The following KCNIP1 variants were observed in gnomAD, a reference collection of about 807,000 sequenced individuals.
KCNIP1 encodes potassium voltage-gated channel interacting protein 1, also known as A-type potassium channel modulatory protein KCNIP1.
Under a neutral mutation model 33.0 loss-of-function variants are expected in KCNIP1, and 18 were observed. That is an observed-to-expected ratio of 0.55 (90% CI 0.38 to 0.81). The LOEUF (loss-of-function observed/expected upper bound fraction) is 0.81, where lower values mean the gene tolerates loss of function less well. Ranked by LOEUF, KCNIP1 falls within the 30% of genes least tolerant of loss-of-function variation. The pLI is 0.00. For missense variants in KCNIP1, 238 were observed against 271.6 expected (o/e 0.88, Z 0.87); for synonymous variants, 93 against 98.3 (o/e 0.95, Z 0.32).
chr5:170,524,739 G>A (rs1452351324), intron 1 of KCNIP1, among the ~76,000 whole-genome samples: 1 of 152,082 alleles, frequency 6.6e-6, no homozygotes. Context: ...TTTTACAGAG[G>A]GAGAAACAGG....
intron 1 of KCNIP1, among the ~76,000 whole-genome samples, chr5:170,589,772 G>GGT (rs879536597): frequency 2.1e-5 from 3 of 145,844 alleles, no homozygotes; most frequent in Non-Finnish European, 3.0e-5. Context: ...GGTGTGGTGT[G>GGT]GTGTGGTGTG....
intron 1 of KCNIP1, among the ~76,000 whole-genome samples, chr5:170,471,806 T>C (rs1294750943): frequency 6.6e-6 from 1 of 152,172 alleles, no homozygotes; most frequent in East Asian, 1.9e-4. Context: ...TTATCACCTT[T>C]TGATGAGTTC....
intron 1 of KCNIP1, among the ~76,000 whole-genome samples, chr5:170,462,529 T>TTG (rs1756527672): frequency 6.6e-6 from 1 of 152,098 alleles, no homozygotes; most frequent in Non-Finnish European, 1.5e-5. Flanking sequence ...ACACTGCTGG[T>TTG]GAAAATGTAA....
rs113354482 is a variant in KCNIP1 at position 170,427,348 on chromosome 5, G to T, written c.88+73384G>T. Among the ~76,000 whole-genome samples the T allele has an allele frequency of 7.3e-3, 1,105 of 152,304 alleles. 13 individuals are homozygous for T. The highest frequency in any genetic ancestry group is 0.025 in the African/African-American group (1,050 of 41,560). On this transcript the variant is annotated intron_variant, in intron 1 of 7. Transcript: ENST00000377360. ...TAAGACTCTGGGCCAGGTTCTGGCA[G>T]CTTATGGCCACTCTTTTCTTGTGTC...
intron 1 of KCNIP1, among the ~76,000 whole-genome samples, chr5:170,559,762 G>A (rs13177298): frequency 0.15 from 22,739 of 152,188 alleles, 1,760 homozygotes; most frequent in South Asian, 0.25. Flanking sequence ...CCTGGCAATG[G>A]TGATGCTGTT....
chr5:170,470,548 T>C (rs1234435661), intron 1 of KCNIP1, among the ~76,000 whole-genome samples: 1 of 152,208 alleles, frequency 6.6e-6, no homozygotes, highest in East Asian at 1.9e-4. Flanking sequence ...GCAAGCAGAA[T>C]TGGGCAGCTC....
At chr5:170,431,576 C>T (rs1447667682) in intron 1 of KCNIP1, among the ~76,000 whole-genome samples, 3 of 152,204 alleles carry the variant, frequency 2.0e-5, no homozygotes, top group Non-Finnish European at 4.4e-5. Flanking sequence ...TTCAAGCTGT[C>T]ACCTGGTGGG....
At chr5:170,720,542 G>T (rs1763785082) in intron 3 of KCNIP1, 152 bp downstream of exon 3, 1 of 675,496 alleles carries the variant, frequency 1.5e-6, no homozygotes, top group Admixed American at 2.2e-5. Context: ...AGAGGTGGGA[G>T]TCTCCAAAGC....
At chr5:170,687,741 C>A (rs768219818) in intron 1 of KCNIP1, among the ~76,000 whole-genome samples, 1 of 152,196 alleles carries the variant, frequency 6.6e-6, no homozygotes, top group Non-Finnish European at 1.5e-5. Flanking sequence ...CTGTCTTTTG[C>A]AAACTGTTAC....
chr5:170,626,165 G>A (rs1227016479), intron 1 of KCNIP1, among the ~76,000 whole-genome samples: 1 of 152,214 alleles, frequency 6.6e-6, no homozygotes, highest in Non-Finnish European at 1.5e-5. Context: ...TAGAACAACT[G>A]TATGCATGCC....
chr5:170,565,859 T>C (rs1173992559), intron 1 of KCNIP1, among the ~76,000 whole-genome samples: 1 of 152,172 alleles, frequency 6.6e-6, no homozygotes, highest in Non-Finnish European at 1.5e-5. Context: ...AAGCACCTCA[T>C]CTTCATATGA....
intron 1 of KCNIP1, among the ~76,000 whole-genome samples, chr5:170,548,882 C>T (rs142859157): frequency 6.6e-6 from 1 of 152,252 alleles, no homozygotes; most frequent in East Asian, 1.9e-4. Flanking sequence ...ACCCTGCTTT[C>T]GGAGTCACTG....
intron 1 of KCNIP1, among the ~76,000 whole-genome samples, chr5:170,650,057 A>G (rs554316438): frequency 6.6e-6 from 1 of 152,334 alleles, no homozygotes; most frequent in East Asian, 1.9e-4. Context: ...GAGAAGGAAG[A>G]ACATCAGAGG....
At chr5:170,636,868 G>T (rs150297515) in intron 1 of KCNIP1, among the ~76,000 whole-genome samples, 1 of 152,258 alleles carries the variant, frequency 6.6e-6, no homozygotes, top group African/African-American at 2.4e-5. Context: ...TTTGCAGATG[G>T]ATAAGCAGAG....
intron 1 of KCNIP1, among the ~76,000 whole-genome samples, chr5:170,585,539 T>C (rs1017231184): frequency 2.0e-5 from 3 of 152,160 alleles, no homozygotes; most frequent in Non-Finnish European, 4.4e-5. Context: ...TCTCCCAGCA[T>C]GGCAGTTTCT....
intron 1 of KCNIP1, among the ~76,000 whole-genome samples, chr5:170,480,608 T>G (rs1182010685): frequency 6.6e-6 from 1 of 151,824 alleles, no homozygotes; most frequent in African/African-American, 2.4e-5. Context: ...CCTGGTTAAT[T>G]TTTTGTATTT....
chr5:170,457,412 C>T (rs1756409080), intron 1 of KCNIP1, among the ~76,000 whole-genome samples: 1 of 152,226 alleles, frequency 6.6e-6, no homozygotes, highest in South Asian at 2.1e-4. Flanking sequence ...AGAGAACCCA[C>T]AGACCCTCTG....
chr5:170,388,249 G>A (rs1348456798), intron 1 of KCNIP1, among the ~76,000 whole-genome samples: 2 of 152,236 alleles, frequency 1.3e-5, no homozygotes, highest in East Asian at 1.9e-4. Flanking sequence ...CCTGCACTGA[G>A]TGAGTTTATA....
At chr5:170,678,167 A>G (rs1353057785) in intron 1 of KCNIP1, among the ~76,000 whole-genome samples, 3 of 152,258 alleles carry the variant, frequency 2.0e-5, no homozygotes, top group Non-Finnish European at 4.4e-5. Context: ...ATGTGAGAAG[A>G]AGGCAGGTTT....
Sources: gnomAD v4.1 joint callset for allele counts (sites outside exome capture counted in the v4.1 genomes callset) on GRCh38, gnomAD v4.1.1 for gene constraint, MANE v1.5 for transcripts, NCBI Gene and HGNC (gene_info 2026-07-23, HGNC 2026-07-21) for gene names.